Variants in THADA observed in about 807,000 individuals in gnomAD.
THADA encodes THADA armadillo repeat containing.
A neutral mutation model predicts 219.8 loss-of-function variants in THADA; 213 were observed. The observed-to-expected ratio is 0.97, with a 90% CI of 0.87 to 1.09. The LOEUF is 1.09. THADA is among the 50% of genes least tolerant of loss of function. The pLI, the probability that THADA is intolerant of heterozygous loss-of-function variation, is 0.00. For synonymous variants in THADA, 1,018 were observed against 828.9 expected (o/e 1.23, Z -3.92); for missense variants, 2,956 against 2,311.3 (o/e 1.28, Z -5.72).
At chr2:43,539,670 T>C (rs13409166) in intron 21 of THADA, among the ~76,000 whole-genome samples, 3 of 152,172 alleles carry the variant, frequency 2.0e-5, no homozygotes, top group South Asian at 2.1e-4. Context: ...AATGGCAACA[T>C]AGAAAAATGA....
chr2:43,558,707 A>G (rs1697694295), intron 16 of THADA, among the ~76,000 whole-genome samples: 1 of 152,150 alleles, frequency 6.6e-6, no homozygotes, highest in Non-Finnish European at 1.5e-5. Flanking sequence ...GTGGGGCCTC[A>G]GCTTGTGATC....
At chr2:43,246,793 G>A (rs1056773507) in intron 36 of THADA, among the ~76,000 whole-genome samples, 1 of 152,152 alleles carries the variant, frequency 6.6e-6, no homozygotes, top group Non-Finnish European at 1.5e-5. Flanking sequence ...GTCCCCTGTG[G>A]CCAACACTCC....
chr2:43,361,204 G>A (rs566288933), intron 29 of THADA, among the ~76,000 whole-genome samples: 13 of 152,200 alleles, frequency 8.5e-5, no homozygotes, highest in Non-Finnish European at 1.5e-4. Flanking sequence ...ATCATATCAC[G>A]GGCTTTGTAG....
At chr2:43,561,016 C>CAAAAA (rs3042329) in intron 15 of THADA, among the ~76,000 whole-genome samples, 24 of 92,246 alleles carry the variant, frequency 2.6e-4, no homozygotes, top group Non-Finnish European at 4.6e-4. Context: ...GACTTGGTCT[C>CAAAAA]AAAAAAAAAA....
At chr2:43,499,091 C>G (rs964640945) in intron 24 of THADA, 136 bp from the exon 25 acceptor site, 1 of 954,558 alleles carries the variant, frequency 1.0e-6, no homozygotes, top group African/African-American at 1.7e-5. Flanking sequence ...AATGAAATAG[C>G]AGATTTAATA....
rs1559031024 is a variant in THADA, at chr2:43,587,016, C to T, written c.303-14G>A. On this transcript the variant is annotated splice_polypyrimidine_tract_variant and intron_variant, in intron 4 of 37. Transcript: ENST00000405975. The stretch of plus-strand genomic sequence containing the variant: ...CTATTTAGTGAGCTAGAAAAAGAAA[C>T]AAATATTAAAAATCTGACAATCTAA... 6.2e-7 allele frequency: 1 copy of T among 1,608,684 alleles called. No homozygotes were observed. Among genetic ancestry groups the T allele is most frequent in the Non-Finnish European group, 8.5e-7 (1 of 1,177,386 alleles).
chr2:43,418,878 A>G (rs1677340589), intron 28 of THADA, among the ~76,000 whole-genome samples: 1 of 152,208 alleles, frequency 6.6e-6, no homozygotes, highest in Non-Finnish European at 1.5e-5. Flanking sequence ...AAAAGCAGAA[A>G]TGAGAAGGAA....
intron 31 of THADA, among the ~76,000 whole-genome samples, chr2:43,305,847 C>T (rs1324308858): frequency 6.6e-6 from 1 of 152,182 alleles, no homozygotes; most frequent in Non-Finnish European, 1.5e-5. Flanking sequence ...CCCAAAGACA[C>T]AAACATAGTT....
chr2:43,397,900 T>A lies in THADA; in HGVS notation c.4227+71A>T, dbSNP rs1674279490. On this transcript the variant is annotated intron_variant, in intron 29 of 37. Coordinates refer to ENST00000405975, the MANE Select transcript of THADA (RefSeq NM_022065.5). ...GGCTGTGTATCAAATCTTCACCAGC[T>A]AACAGTACATAAGAAACCAAAGTTC... 95 of 1,508,426 alleles carry A rather than the reference T, an allele frequency of 6.3e-5. No individual in the cohort carries two copies. In the South Asian group the frequency reaches 1.1e-3, roughly 18 times the overall value. 93.4% of individuals were successfully genotyped at this position (1,508,426 alleles called of 1,614,324 possible). A position where few individuals can be genotyped will look rare whatever the true frequency, so the allele number is the denominator to read the frequency against.
At chr2:43,369,202 G>A (rs1016518048) in intron 29 of THADA, among the ~76,000 whole-genome samples, 1 of 152,204 alleles carries the variant, frequency 6.6e-6, no homozygotes, top group African/African-American at 2.4e-5. Context: ...TCTTGGAAGA[G>A]TCTCCCGTTG....
intron 22 of THADA, among the ~76,000 whole-genome samples, chr2:43,514,964 TATATATA>T (rs1426866167): frequency 1.5e-4 from 11 of 74,408 alleles, no homozygotes; most frequent in African/African-American, 2.2e-4. Flanking sequence ...TATAATATTT[TATATATA>T]ATATATAACA....
rs1347291743 is a variant in THADA, at chr2:43,591,973, T to C, written c.150A>G (p.Ser50=). Residue 50 remains serine, a synonymous_variant, in exon 3 of 38, where the codon TCA becomes TCG. Transcript: ENST00000405975. ...TTACCTGTTTAATATAATGGATTTG[T>C]GACACTCCATCCGTGAGTTGCACAC... The part of the protein sequence containing the change: ...LHCVQLTDGV[S]QIHYIKQIVP... The C allele has an allele frequency of 6.4e-7, 1 of 1,552,872 alleles. No individual in the cohort carries two copies. Among genetic ancestry groups the C allele is most frequent in the Non-Finnish European group, 8.7e-7 (1 of 1,147,330 alleles).
chr2:43,525,365 C>G (rs1435547008), intron 22 of THADA, among the ~76,000 whole-genome samples: 3 of 152,214 alleles, frequency 2.0e-5, no homozygotes, highest in African/African-American at 2.4e-5. Flanking sequence ...AAAAGGTAGA[C>G]TGAATCCAGG....
At chr2:43,325,711 A>T (rs888084129) in intron 30 of THADA, among the ~76,000 whole-genome samples, 8 of 152,186 alleles carry the variant, frequency 5.3e-5, no homozygotes, top group Non-Finnish European at 1.2e-4. Flanking sequence ...GATTTAAAGA[A>T]GTTCAGAGAT....
intron 20 of THADA, among the ~76,000 whole-genome samples, chr2:43,543,771 G>A (rs1290431378): frequency 6.6e-6 from 1 of 151,982 alleles, no homozygotes; most frequent in Admixed American, 6.6e-5. Flanking sequence ...CTGCATATTA[G>A]CCCTTTGTCA....
chr2:43,409,334 T>A (rs1031496225), intron 28 of THADA, among the ~76,000 whole-genome samples: 5 of 151,686 alleles, frequency 3.3e-5, no homozygotes, highest in African/African-American at 9.7e-5. Context: ...AGGAAAGTTT[T>A]GAAAAATTCC....
intron 21 of THADA, among the ~76,000 whole-genome samples, chr2:43,539,185 C>T (rs1694983637): frequency 1.3e-5 from 2 of 152,212 alleles, no homozygotes; most frequent in South Asian, 2.1e-4. Context: ...TGTATTCAGA[C>T]GGCAGTCACA....
chr2:43,242,073 G>T (rs1257877478), intron 36 of THADA, among the ~76,000 whole-genome samples: 1 of 152,206 alleles, frequency 6.6e-6, no homozygotes, highest in African/African-American at 2.4e-5. Flanking sequence ...ACGCAACGCA[G>T]ATCCTGTGGT....
chr2:43,481,144 A>C (rs1346761604), intron 26 of THADA, among the ~76,000 whole-genome samples: 1 of 152,242 alleles, frequency 6.6e-6, no homozygotes, highest in East Asian at 1.9e-4. Context: ...TCTCTCTATA[A>C]GCACGATGCT....
Sources: gnomAD v4.1 joint callset for allele counts (sites outside exome capture counted in the v4.1 genomes callset) on GRCh38, gnomAD v4.1.1 for gene constraint, MANE v1.5 for transcripts, NCBI Gene and HGNC (gene_info 2026-07-23, HGNC 2026-07-21) for gene names.